Variants in LYPD6 observed in about 807,000 individuals in gnomAD.
LYPD6 encodes the protein ly6/PLAUR domain-containing protein 6.
A neutral mutation model predicts 22.7 loss-of-function variants in LYPD6; 15 were observed. That is an observed-to-expected ratio of 0.66 (90% CI 0.44 to 1.02). The LOEUF (loss-of-function observed/expected upper bound fraction) is 1.02. Among genes scored for constraint, LYPD6 ranks in the 50% least tolerant of loss-of-function variants. The probability of loss-of-function intolerance (pLI) is 0.00; values close to 1 mark genes in which losing one functional copy is unlikely to be tolerated. For missense variants in LYPD6, 189 were observed against 208.4 expected, an observed-to-expected ratio of 0.91 and a Z score of 0.57; for synonymous variants, 72 against 77.5, an observed-to-expected ratio of 0.93 and a Z score of 0.37.
At chr2:149,402,833 A>G (rs1198622386) in intron 1 of LYPD6, among the ~76,000 whole-genome samples, 3 of 150,362 alleles carry the variant, frequency 2.0e-5, no homozygotes, top group African/African-American at 7.4e-5. Context: ...GCACCCATTA[A>G]CTCGTCATTT....
chr2:149,441,959 C>T (rs947069993), intron 2 of LYPD6, among the ~76,000 whole-genome samples: 4 of 152,000 alleles, frequency 2.6e-5, no homozygotes, highest in African/African-American at 7.2e-5. Flanking sequence ...TGTTTGTGCC[C>T]ATGTAGAGAG....
At chr2:149,450,739 C>T (rs928095614) in intron 3 of LYPD6, among the ~76,000 whole-genome samples, 15 of 152,226 alleles carry the variant, frequency 9.9e-5, no homozygotes, top group Non-Finnish European at 2.1e-4. Context: ...TCAGACTTGG[C>T]TGTCTATTGA....
Position 149,468,783 on chromosome 2 carries a change from C to T in LYPD6, c.348+8C>T, listed in dbSNP as rs768139006. On this transcript the variant is annotated splice_region_variant and intron_variant, in intron 4 of 4. Coordinates refer to ENST00000334166, the MANE Select transcript of LYPD6 (RefSeq NM_194317.5). Reference sequence around the variant, plus strand: ...GAGCATGAAGGCCACAAGGTCTGGGCAACAGAGCAAGTGACCAGTACTACA... The same window carrying T: ...GAGCATGAAGGCCACAAGGTCTGGGTAACAGAGCAAGTGACCAGTACTACA... 6.2e-7 allele frequency: 1 copy of T among 1,612,848 alleles called. No homozygotes were observed. The highest frequency in any genetic ancestry group is 8.5e-7 in the Non-Finnish European group (1 of 1,179,490).
At chr2:149,442,069 T>C (rs1304150972) in intron 2 of LYPD6, among the ~76,000 whole-genome samples, 1 of 152,256 alleles carries the variant, frequency 6.6e-6, no homozygotes, top group South Asian at 2.1e-4. Context: ...CAGAAATATG[T>C]GCATATTAAA....
At position 149,471,621 on chromosome 2, in the gene LYPD6, A is replaced by C. The variant is rs1195168661; in HGVS notation, c.*771A>C. The C allele has an allele frequency of 6.6e-6, 1 of 152,248 alleles. No individual in the cohort carries two copies. Among genetic ancestry groups the C allele is most frequent in the African/African-American group, 2.4e-5 (1 of 41,426 alleles). 9.4% of individuals were successfully genotyped at this position (152,248 alleles called of 1,614,324 possible). ...TTGGCACCTAATTATGCTTCATGAG[A>C]TCCTAGATTCCACCTGAGTCAATTG... On this transcript the variant is annotated 3_prime_UTR_variant, in exon 5 of 5. Coordinates refer to ENST00000334166, the MANE Select transcript of LYPD6 (RefSeq NM_194317.5).
intron 3 of LYPD6, among the ~76,000 whole-genome samples, chr2:149,463,783 GT>G (rs1681138418): frequency 6.6e-6 from 1 of 152,092 alleles, no homozygotes; most frequent in African/African-American, 2.4e-5. Context: ...AATACTACAT[GT>G]TGTGTGACTC....
chr2:149,481,828 T>C, the LYPD6 span, among the ~76,000 whole-genome samples: 1 of 152,226 alleles, frequency 6.6e-6, no homozygotes, highest in Admixed American at 6.5e-5. Flanking sequence ...ATTTTCCAAT[T>C]TTATGCAATG....
intron 1 of LYPD6, among the ~76,000 whole-genome samples, chr2:149,396,165 T>C (rs1359168584): frequency 6.6e-6 from 1 of 152,218 alleles, no homozygotes; most frequent in Non-Finnish European, 1.5e-5. Flanking sequence ...TTTTGAATAA[T>C]TTAAATAACA....
At chr2:149,485,605 G>A in the LYPD6 span, among the ~76,000 whole-genome samples, 5 of 152,262 alleles carry the variant, frequency 3.3e-5, no homozygotes, top group South Asian at 2.1e-4. Flanking sequence ...CATGAAACCT[G>A]CTCTGTTTGT....
chr2:149,380,098 G>A (rs374955999), intron 1 of LYPD6, among the ~76,000 whole-genome samples: 40 of 152,234 alleles, frequency 2.6e-4, no homozygotes, highest in African/African-American at 9.4e-4. Flanking sequence ...CCTGACAGAG[G>A]AAAGAGCACA....
chr2:149,405,646 A>G (rs899687635), intron 1 of LYPD6, among the ~76,000 whole-genome samples: 1 of 152,146 alleles, frequency 6.6e-6, no homozygotes, highest in Non-Finnish European at 1.5e-5. Flanking sequence ...TAGTCTTGCT[A>G]GTGGTCTATC....
Position 149,472,400 on chromosome 2 carries a change from T to TA in LYPD6, c.*1550_*1551insA, listed in dbSNP as rs1681362487. On this transcript the variant is annotated 3_prime_UTR_variant, in exon 5 of 5. Transcript: ENST00000334166. ...AGTTTGTGTGCAGGGTTTTCAGATGTGTTTTTGTGAAACTTGGTAGAACCA... is the reference window on the plus strand; with the variant it reads ...AGTTTGTGTGCAGGGTTTTCAGATGTAGTTTTTGTGAAACTTGGTAGAACCA... 1 of 152,630 alleles carries TA rather than the reference T, an allele frequency of 6.6e-6. No individual in the cohort carries two copies. The highest frequency in any genetic ancestry group is 1.5e-5 in the Non-Finnish European group (1 of 68,032). 9.5% of individuals were successfully genotyped at this position (152,630 alleles called of 1,614,324 possible). A position where few individuals can be genotyped will look rare whatever the true frequency, so the allele number is the denominator to read the frequency against.
chr2:149,439,899 G>A (rs1162702414), intron 2 of LYPD6: 1 of 152,284 alleles, frequency 6.6e-6, no homozygotes, highest in Non-Finnish European at 1.5e-5. Context: ...CTGTAAAAAT[G>A]GTTCACTATT....
At chr2:149,373,435 G>T (rs1681854171) in intron 1 of LYPD6, among the ~76,000 whole-genome samples, 1 of 152,132 alleles carries the variant, frequency 6.6e-6, no homozygotes, top group Non-Finnish European at 1.5e-5. Flanking sequence ...AAGGAAAGGG[G>T]TTCCAGGACT....
intron 1 of LYPD6, among the ~76,000 whole-genome samples, chr2:149,358,802 C>G (rs1681516400): frequency 6.6e-6 from 1 of 151,840 alleles, no homozygotes; most frequent in Non-Finnish European, 1.5e-5. Flanking sequence ...TGGGGAAGTA[C>G]CAGAATCTTG....
In LYPD6 at chr2:149,413,256, G is replaced by A. The variant is rs185874247; in HGVS notation, c.-71-24382G>A. Among the ~76,000 whole-genome samples the A allele has an allele frequency of 2.4e-4, 36 of 152,262 alleles. No individual in the cohort carries two copies. In the East Asian group the frequency reaches 2.5e-3, roughly 11 times the overall value. ...CGGCCAGGCAGCTGTTCCTTGCCCA[G>A]GAGAGACTAAGATGGGGGAAAGAGG... is the stretch of plus-strand genomic sequence containing the variant. On this transcript the variant is annotated intron_variant, in intron 1 of 4. Coordinates refer to ENST00000334166, the MANE Select transcript of LYPD6 (RefSeq NM_194317.5).
chr2:149,346,242 ATGTT>A (rs1463277833), intron 1 of LYPD6, among the ~76,000 whole-genome samples: 47 of 149,304 alleles, frequency 3.1e-4, no homozygotes, highest in African/African-American at 1.1e-3. Context: ...TTCGTATTTA[ATGTT>A]TGTTTTTCTA....
In LYPD6 at chr2:149,472,397, AT is replaced by A. The variant is rs1443667866; in HGVS notation, c.*1548del. 6.6e-6 allele frequency: 1 copy of A among 152,540 alleles called. No individual in the cohort carries two copies. Among genetic ancestry groups the A allele is most frequent in the Non-Finnish European group, 1.5e-5 (1 of 68,018 alleles). The allele number at this position is 152,540 out of a possible 1,614,324, so 9.4% of individuals were successfully genotyped here. ...CTAAGTTTGTGTGCAGGGTTTTCAG[AT>A]GTGTTTTTGTGAAACTTGGTAGAAC... is the stretch of plus-strand genomic sequence containing the variant. On this transcript the variant is annotated 3_prime_UTR_variant, in exon 5 of 5. Transcript: ENST00000334166.
chr2:149,447,452 C>G (rs1204534459), intron 2 of LYPD6, among the ~76,000 whole-genome samples: 4 of 152,178 alleles, frequency 2.6e-5, no homozygotes, highest in Non-Finnish European at 5.9e-5. Context: ...GAACTGGTAG[C>G]CTCTGGTGCC....
Sources: allele counts gnomAD v4.1 joint callset (sites outside exome capture counted in the v4.1 genomes callset), GRCh38; gene constraint gnomAD v4.1.1; transcripts MANE v1.5; gene names NCBI Gene and HGNC (gene_info 2026-07-23, HGNC 2026-07-21).